The following ECHDC2 variants were observed in gnomAD, a reference collection of about 807,000 sequenced individuals.
The protein encoded by ECHDC2 is enoyl-CoA hydratase domain-containing protein 2, mitochondrial.
Under a neutral mutation model 40.6 loss-of-function variants are expected in ECHDC2, and 34 were observed. The observed-to-expected ratio is 0.84, with a 90% CI of 0.64 to 1.11. ECHDC2 has a LOEUF of 1.11. Ranked by LOEUF, ECHDC2 falls within the 50% of genes most tolerant of loss-of-function variation. The pLI is 0.00. For synonymous variants in ECHDC2, 162 were observed against 166.6 expected (o/e 0.97, Z 0.21); for missense variants, 392 against 400.7 (o/e 0.98, Z 0.19).
At chr1:52,904,908 A>G (rs1242426639) in intron 6 of ECHDC2, 75 bp from the exon 7 acceptor site, 1 of 1,595,722 alleles carries the variant, frequency 6.3e-7, no homozygotes, top group Admixed American at 1.7e-5. Context: ...CCTGGGACTC[A>G]GCCAAGACTT....
rs754843817 is a variant in ECHDC2, at chr1:52,904,680, C to G, written c.668G>C (p.Arg223Pro). 2 of 1,609,406 alleles carry G rather than the reference C, an allele frequency of 1.2e-6. No individual in the cohort carries two copies. Among genetic ancestry groups the G allele is most frequent in the South Asian group, 1.1e-5 (1 of 90,792 alleles). ...GATCTCCTGGGCCAGTGCTCGTGCC[C>G]GCTGGTAGGCGGCGTCCCCCTCCTC... is the stretch of plus-strand genomic sequence containing the variant. ...QNEEGDAAYQ[R>P]ARALAQEILP... The change falls in exon 7 of 10, where the codon CGG becomes CCG. Residue 223 changes from arginine (R) to proline (P), a missense_variant. Coordinates refer to ENST00000371522, the MANE Select transcript of ECHDC2 (RefSeq NM_001198961.2).
intron 1 of ECHDC2, among the ~76,000 whole-genome samples, chr1:52,917,207 G>A (rs946384531): frequency 2.0e-5 from 3 of 149,916 alleles, no homozygotes; most frequent in Non-Finnish European, 4.4e-5. Flanking sequence ...GGGCAACAGA[G>A]TGAGACCATC....
chr1:52,919,039 CT>C (rs370780124), intron 1 of ECHDC2, among the ~76,000 whole-genome samples: 1 of 152,210 alleles, frequency 6.6e-6, no homozygotes, highest in African/African-American at 2.4e-5. Flanking sequence ...CTATTGTGAA[CT>C]GTGCATGTGA....
intron 8 of ECHDC2, chr1:52,897,923 A>G (rs1646739705): frequency 1.2e-5 from 3 of 249,974 alleles, no homozygotes; most frequent in South Asian, 6.0e-5. Context: ...AGGTGAAATA[A>G]TTTGTCAAAG....
intron 3 of ECHDC2, among the ~76,000 whole-genome samples, chr1:52,908,921 CAG>C (rs1269000004): frequency 4.1e-5 from 4 of 96,880 alleles, no homozygotes; most frequent in African/African-American, 1.3e-4. Flanking sequence ...TCCTGGGTGA[CAG>C]AGTCTCAAAA....
intron 5 of ECHDC2, 84 bp downstream of exon 5, chr1:52,906,435 G>A: frequency 8.5e-7 from 1 of 1,173,432 alleles, no homozygotes; most frequent in South Asian, 1.3e-5. Context: ...AACAGTGGCT[G>A]ACTGCAGAAT....
intron 8 of ECHDC2, 183 bp from the exon 9 acceptor site, chr1:52,897,667 AGACT>A: frequency 6.1e-6 from 4 of 651,022 alleles, no homozygotes; most frequent in Non-Finnish European, 1.1e-5. Flanking sequence ...GAAACGAGAC[AGACT>A]GAGACATTTT....
At chr1:52,897,548 C>T (rs1454900649) in intron 8 of ECHDC2, 64 bp from the exon 9 acceptor site, 2 of 1,528,508 alleles carry the variant, frequency 1.3e-6, no homozygotes, top group Admixed American at 3.3e-5. Context: ...CACTGGAAGC[C>T]AGCCCACCCT....
rs140581937 is a variant in ECHDC2 at position 52,906,063 on chromosome 1, C to G, written c.457+456G>C. The G allele has an allele frequency of 5.3e-3, 1,742 of 330,666 alleles. 18 individuals are homozygous for G. The highest frequency in any genetic ancestry group is 0.044 in the Middle Eastern group (40 of 906). The allele number at this position is 330,666 out of a possible 1,614,324, so 20.5% of individuals were successfully genotyped here. ...TCTTTATCCCCTCCCATTCTTCAAACAAAGCTCAATTGCTCAGAACAAGTA... is the reference window on the plus strand; with the variant it reads ...TCTTTATCCCCTCCCATTCTTCAAAGAAAGCTCAATTGCTCAGAACAAGTA... On this transcript the variant is annotated intron_variant, in intron 5 of 9. Transcript: ENST00000371522.
intron 4 of ECHDC2, 145 bp downstream of exon 4, chr1:52,907,723 C>T (rs890654629): frequency 8.8e-6 from 6 of 681,626 alleles, no homozygotes; most frequent in South Asian, 8.0e-5. Flanking sequence ...CGGTCATCCT[C>T]CTCCATCCCC....
intron 1 of ECHDC2, chr1:52,920,303 C>G: frequency 1.7e-6 from 1 of 599,728 alleles, no homozygotes; most frequent in Admixed American, 2.8e-5. Context: ...TGGGCAACAG[C>G]AGGGAGCAAG....
At chr1:52,900,769 A>T (rs145577420) in intron 7 of ECHDC2, 68 of 152,356 alleles carry the variant, frequency 4.5e-4, no homozygotes, top group African/African-American at 1.6e-3. Flanking sequence ...CTAGCTGGTC[A>T]TCTTGCCTTT....
At chr1:52,919,717 T>G (rs1269635577) in intron 1 of ECHDC2, among the ~76,000 whole-genome samples, 2 of 152,232 alleles carry the variant, frequency 1.3e-5, no homozygotes, top group Non-Finnish European at 2.9e-5. Context: ...CTGCAGCTTC[T>G]AATATGAACA....
chr1:52,920,689 G>T, intron 1 of ECHDC2: 4 of 629,024 alleles, frequency 6.4e-6, no homozygotes, highest in South Asian at 1.9e-5. Context: ...TGCCACCTAT[G>T]GCTGGAATTA....
chr1:52,915,250 T>G (rs3753756), intron 1 of ECHDC2: 19,554 of 455,940 alleles, frequency 0.043, 1,384 homozygotes, highest in East Asian at 0.34. Flanking sequence ...CCTTTGGCCT[T>G]CAAAGACCCC....
chr1:52,899,340 C>T lies in ECHDC2; in HGVS notation c.703-116G>A, dbSNP rs576638986. On this transcript the variant is annotated intron_variant, in intron 7 of 9. Transcript: ENST00000371522. ...GCAGATGTCTGGGTCTGGTTCCAGC[C>T]ATTCTGCTGACAGTTTCTTTAGCGT... The T allele has an allele frequency of 7.0e-5, 65 of 933,514 alleles. No homozygotes were observed. The African/African-American group carries it at 1.0e-3, about 15-fold the overall frequency. The allele number at this position is 933,514 out of a possible 1,614,324, so 57.8% of individuals were successfully genotyped here. A position where few individuals can be genotyped will look rare whatever the true frequency, so the allele number is the denominator to read the frequency against.
At chr1:52,897,357 A>G in intron 9 of ECHDC2, 80 bp downstream of exon 9, 1 of 1,389,606 alleles carries the variant, frequency 7.2e-7, no homozygotes, top group East Asian at 2.3e-5. Flanking sequence ...ACCTTCTAAA[A>G]TTGGTCATGT....
intron 3 of ECHDC2, 62 bp from the exon 4 acceptor site, chr1:52,908,016 G>A (rs1011690024): frequency 7.3e-6 from 11 of 1,508,742 alleles, no homozygotes; most frequent in South Asian, 2.3e-5. Context: ...AATCCCAGGC[G>A]GTTAAAGGAT....
intron 3 of ECHDC2, among the ~76,000 whole-genome samples, chr1:52,908,495 C>T (rs561687998): frequency 1.3e-4 from 19 of 151,606 alleles, no homozygotes; most frequent in African/African-American, 4.4e-4. Context: ...AGCAAGACTC[C>T]GTTTCAAAGA....
Sources: allele counts gnomAD v4.1 joint callset (sites outside exome capture counted in the v4.1 genomes callset), GRCh38; gene constraint gnomAD v4.1.1; transcripts MANE v1.5; gene names NCBI Gene and HGNC (gene_info 2026-07-23, HGNC 2026-07-21).